The following PRMT8 variants were observed in gnomAD, a reference collection of about 807,000 sequenced individuals.
PRMT8 encodes protein arginine N-methyltransferase 8.
In PRMT8, 7 loss-of-function variants were observed where a neutral mutation model predicts 47.1. The observed-to-expected ratio is 0.15, with a 90% CI of 0.08 to 0.28. PRMT8 has a LOEUF of 0.28. Ranked by LOEUF, PRMT8 falls within the 10% of genes least tolerant of loss-of-function variation. PRMT8 has a pLI of 1.00. For missense variants in PRMT8, 237 were observed against 505.4 expected, an observed-to-expected ratio of 0.47 and a Z score of 5.09; for synonymous variants, 188 against 186.5, an observed-to-expected ratio of 1.01 and a Z score of -0.07.
At chr12:3,387,165 T>C (rs1864148841) in intron 1 of PRMT8, among the ~76,000 whole-genome samples, 1 of 152,252 alleles carries the variant, frequency 6.6e-6, no homozygotes, top group East Asian at 1.9e-4. Flanking sequence ...GCACTATACA[T>C]GCAATAGGGC....
chr12:3,516,295 T>C (rs549094976), intron 1 of PRMT8, among the ~76,000 whole-genome samples: 2 of 152,340 alleles, frequency 1.3e-5, no homozygotes, highest in East Asian at 3.9e-4. Context: ...CCTGGTCCCC[T>C]CTTGGTGATT....
intron 1 of PRMT8, among the ~76,000 whole-genome samples, chr12:3,511,607 C>G (rs1865714937): frequency 6.6e-6 from 1 of 152,158 alleles, no homozygotes; most frequent in Non-Finnish European, 1.5e-5. Flanking sequence ...AGAGCTCTTT[C>G]TTTTCCAACA....
intron 8 of PRMT8, among the ~76,000 whole-genome samples, chr12:3,587,362 G>T (rs1867202437): frequency 6.7e-6 from 1 of 150,306 alleles, no homozygotes. Context: ...CTATTAGAAG[G>T]TAAATACATT....
chr12:3,439,278 C>T (rs1169933412), intron 1 of PRMT8, among the ~76,000 whole-genome samples: 4 of 152,130 alleles, frequency 2.6e-5, no homozygotes, highest in Non-Finnish European at 5.9e-5. Context: ...GCTCCCTCCA[C>T]CCATCTGTTT....
At chr12:3,579,717 T>C (rs1312984018) in intron 7 of PRMT8, among the ~76,000 whole-genome samples, 1 of 152,220 alleles carries the variant, frequency 6.6e-6, no homozygotes, top group Admixed American at 6.5e-5. Flanking sequence ...ACTTAATTGC[T>C]ATTTTCATCG....
intron 1 of PRMT8, among the ~76,000 whole-genome samples, chr12:3,382,036 A>C (rs1180505047): frequency 6.6e-6 from 1 of 152,216 alleles, no homozygotes; most frequent in Non-Finnish European, 1.5e-5. Context: ...CTGGAGATTC[A>C]TCCAAGTTTT....
rs1192890548 is a variant in PRMT8 at position 3,570,070 on chromosome 12, G to T, written c.712+506G>T. Reference sequence around the variant, plus strand: ...TTTTGAGGAATAGATAGCAGAGGGGGTGGGAAAGAGTGGAGATTTTGCTTT... The same window carrying T: ...TTTTGAGGAATAGATAGCAGAGGGGTTGGGAAAGAGTGGAGATTTTGCTTT... On this transcript the variant is annotated intron_variant, in intron 6 of 9. Coordinates refer to ENST00000382622, the MANE Select transcript of PRMT8 (RefSeq NM_019854.5). The surrounding 1 kb of genome is among the most constrained non-coding windows in gnomAD (Gnocchi z 5.5). 6.6e-6 allele frequency among the ~76,000 whole-genome samples: 1 copy of T among 152,212 alleles called. No individual in the cohort carries two copies. The highest frequency in any genetic ancestry group is 1.5e-5 in the Non-Finnish European group (1 of 68,038).
At chr12:3,528,886 G>A (rs953125411) in intron 1 of PRMT8, among the ~76,000 whole-genome samples, 1 of 152,128 alleles carries the variant, frequency 6.6e-6, no homozygotes, top group South Asian at 2.1e-4. Context: ...CCACTATTCA[G>A]GGGAACAACA....
At chr12:3,527,282 A>G (rs1288436279) in intron 1 of PRMT8, among the ~76,000 whole-genome samples, 1 of 152,114 alleles carries the variant, frequency 6.6e-6, no homozygotes, top group Non-Finnish European at 1.5e-5. Context: ...CCATATATGT[A>G]CTATTTTTTT....
intron 1 of PRMT8, among the ~76,000 whole-genome samples, chr12:3,448,464 A>G (rs1864880977): frequency 1.3e-5 from 2 of 152,232 alleles, no homozygotes; most frequent in Admixed American, 6.5e-5. Context: ...AAAACAAAAA[A>G]TTTAGTGAGA....
chr12:3,428,389 A>G (rs1007566240), intron 1 of PRMT8, among the ~76,000 whole-genome samples: 1 of 151,336 alleles, frequency 6.6e-6, no homozygotes, highest in Non-Finnish European at 1.5e-5. Context: ...TCTAAAAGTT[A>G]TTTTTCTACT....
chr12:3,562,441 C>T (rs754995228), intron 4 of PRMT8, among the ~76,000 whole-genome samples: 14 of 151,974 alleles, frequency 9.2e-5, no homozygotes, highest in South Asian at 6.3e-4. Context: ...CTTACAGTCT[C>T]GGGGGAAGAC....
rs1023540204 is a variant in PRMT8 at position 3,519,456 on chromosome 12, G to A, written c.76-21150G>A. On this transcript the variant is annotated intron_variant, in intron 1 of 9. Coordinates refer to ENST00000382622, the MANE Select transcript of PRMT8 (RefSeq NM_019854.5). Reference sequence around the variant, plus strand: ...AGGATGCAGTGTGGCCACTGAGGCGGGACAGGGCCCAGGAACTGGGGGATG... The same window carrying A: ...AGGATGCAGTGTGGCCACTGAGGCGAGACAGGGCCCAGGAACTGGGGGATG... Among the ~76,000 whole-genome samples, 20 of 152,266 alleles carry A rather than the reference G, an allele frequency of 1.3e-4. 1 individual carries two copies. Among genetic ancestry groups the A allele is most frequent in the Admixed American group, 3.9e-4 (6 of 15,302 alleles).
At chr12:3,559,572 T>G (rs1213844924) in intron 4 of PRMT8, among the ~76,000 whole-genome samples, 1 of 152,206 alleles carries the variant, frequency 6.6e-6, no homozygotes, top group East Asian at 1.9e-4. Context: ...TCTCATTTCC[T>G]CCCTTTCCAT....
chr12:3,401,895 G>A (rs562294458), intron 1 of PRMT8, among the ~76,000 whole-genome samples: 51 of 152,216 alleles, frequency 3.4e-4, no homozygotes, highest in Non-Finnish European at 6.3e-4. Context: ...CGTGAAAATG[G>A]CCATACTGCC....
intron 1 of PRMT8, among the ~76,000 whole-genome samples, chr12:3,399,346 T>C (rs1033969982): frequency 1.3e-5 from 2 of 152,118 alleles, no homozygotes; most frequent in African/African-American, 4.8e-5. Context: ...GTTCAGAGAA[T>C]CCCCAGTGTC....
intron 1 of PRMT8, among the ~76,000 whole-genome samples, chr12:3,467,864 C>T (rs1398390298): frequency 1.3e-5 from 2 of 152,174 alleles, no homozygotes; most frequent in African/African-American, 4.8e-5. Flanking sequence ...CTCCATTCAG[C>T]CTGAGCTGCC....
intron 3 of PRMT8, 152 bp from the exon 4 acceptor site, chr12:3,553,499 G>T (rs887927393): frequency 5.9e-6 from 4 of 681,888 alleles, no homozygotes; most frequent in Non-Finnish European, 7.7e-6. Context: ...GGGGGGCTGG[G>T]TTTCGGTTTT....
At chr12:3,551,076 AC>A (rs3837513) in intron 3 of PRMT8, 13 of 137,168 alleles carry the variant, frequency 9.5e-5, no homozygotes, top group South Asian at 2.4e-4. Context: ...AGCCCTGGGG[AC>A]CCCCCCCCGC....
Sources: allele counts gnomAD v4.1 joint callset (sites outside exome capture counted in the v4.1 genomes callset), GRCh38; gene constraint gnomAD v4.1.1; non-coding constraint Gnocchi (gnomAD v3.1); transcripts MANE v1.5; gene names NCBI Gene and HGNC (gene_info 2026-07-23, HGNC 2026-07-21).